NFE2L3: variants seen among roughly 807,000 people sequenced by gnomAD.
NFE2L3 encodes the protein NFE2 like bZIP transcription factor 3.
In NFE2L3, 18 loss-of-function variants were observed where a neutral mutation model predicts 23.5. That is an observed-to-expected ratio of 0.77 (90% CI 0.53 to 1.13). NFE2L3 has a LOEUF of 1.13. Ranked by LOEUF, NFE2L3 falls within the 50% of genes most tolerant of loss-of-function variation. NFE2L3 has a pLI of 0.00. For synonymous variants in NFE2L3, 424 were observed against 354.5 expected, an observed-to-expected ratio of 1.20 and a Z score of -2.20; for missense variants, 1,152 against 877.2, an observed-to-expected ratio of 1.31 and a Z score of -3.96.
At chr7:26,175,853 CTTTTTTTT>C in intron 1 of NFE2L3, among the ~76,000 whole-genome samples, 1 of 111,652 alleles carries the variant, frequency 9.0e-6, no homozygotes, top group Middle Eastern at 4.9e-3. Flanking sequence ...ATTTTCTTTT[CTTTTTTTT>C]TTTTTTTTTT....
At chr7:26,184,005 G>T (rs535209185) in intron 3 of NFE2L3, 34 of 512,670 alleles carry the variant, frequency 6.6e-5, no homozygotes, top group African/African-American at 6.3e-4. Context: ...AAACAGCGTG[G>T]AGATTTCTCA....
chr7:26,165,328 G>C (rs1459492226), intron 1 of NFE2L3, among the ~76,000 whole-genome samples: 1 of 152,122 alleles, frequency 6.6e-6, no homozygotes, highest in Non-Finnish European at 1.5e-5. Context: ...ATTTCGTTGA[G>C]CAGTGGTTTG....
intron 2 of NFE2L3, among the ~76,000 whole-genome samples, chr7:26,182,743 G>T (rs1277042462): frequency 6.6e-6 from 1 of 151,824 alleles, no homozygotes; most frequent in Non-Finnish European, 1.5e-5. Flanking sequence ...GTGAGATGAA[G>T]CATCGATAAA....
chr7:26,169,084 A>G (rs1784297207), intron 1 of NFE2L3, among the ~76,000 whole-genome samples: 1 of 152,220 alleles, frequency 6.6e-6, no homozygotes, highest in African/African-American at 2.4e-5. Context: ...CCAAAAGGCC[A>G]AGAAGCAATT....
chr7:26,155,456 TGAA>T (rs879368846), intron 1 of NFE2L3, among the ~76,000 whole-genome samples: 48 of 151,344 alleles, frequency 3.2e-4, no homozygotes, highest in Middle Eastern at 3.4e-3. Flanking sequence ...AGAAAAAAAA[TGAA>T]GAAGAAGAAG....
intron 3 of NFE2L3, chr7:26,184,266 G>T: frequency 2.4e-6 from 1 of 418,516 alleles, no homozygotes; most frequent in Non-Finnish European, 4.3e-6. Context: ...TTACAAGATT[G>T]TAACATTAGA....
Position 26,185,135 on chromosome 7 carries a change from T to G in NFE2L3, c.1437T>G (p.Asp479Glu), listed in dbSNP as rs184975849. Reference sequence around the variant, plus strand: ...AACCCAGTAAGCTTTGTCACTTGGATCAAAGTGATTCTGATTTCCATGGAG... The same window carrying G: ...AACCCAGTAAGCTTTGTCACTTGGAGCAAAGTGATTCTGATTTCCATGGAG... ...YPEPSKLCHL[D>E]QSDSDFHGDL... The change falls in exon 4 of 4, where the codon GAT (aspartate) becomes GAG (glutamate). Residue 479 changes from aspartate to glutamate, a missense_variant. Asp to Glu is a conservative substitution (Grantham distance 45). Transcript: ENST00000056233. 1 of 1,613,934 alleles carries G rather than the reference T, an allele frequency of 6.2e-7. No homozygotes were observed. The highest frequency in any genetic ancestry group is 1.3e-5 in the African/African-American group (1 of 75,038).
intron 1 of NFE2L3, 68 bp from the exon 2 acceptor site, chr7:26,177,875 C>A (rs1784442731): frequency 5.1e-6 from 7 of 1,384,940 alleles, no homozygotes; most frequent in Non-Finnish European, 7.0e-6. Context: ...TTCATGGTCC[C>A]TGAACAATAA....
chr7:26,184,300 T>C, intron 3 of NFE2L3: 1 of 493,942 alleles, frequency 2.0e-6, no homozygotes, highest in Non-Finnish European at 3.6e-6. Flanking sequence ...TCCAGTCAGC[T>C]TTTATACTAA....
intron 3 of NFE2L3, chr7:26,184,225 G>A (rs1200646203): frequency 2.8e-6 from 1 of 359,326 alleles, no homozygotes; most frequent in Admixed American, 4.5e-5. Flanking sequence ...CAACCGCTAG[G>A]ATGAGTTGCA....
rs28593398 is a variant in NFE2L3, at chr7:26,176,762, T to C, written c.571-1181T>C. Among the ~76,000 whole-genome samples, 4 of 55,588 alleles carry C rather than the reference T, an allele frequency of 7.2e-5. 1 individual carries two copies. Among genetic ancestry groups the C allele is most frequent in the Non-Finnish European group, 1.2e-4 (4 of 34,474 alleles). The allele number at this position is 55,588 out of a possible 152,430, so 36.5% of individuals were successfully genotyped here. ...GCAGCCGGGCAGAGGCGCTCCTCAC[T>C]TCCCAGACGGGGTGGCCAGGCAGAG... On this transcript the variant is annotated intron_variant, in intron 1 of 3. Transcript: ENST00000056233.
chr7:26,166,077 G>A (rs1784246969), intron 1 of NFE2L3, among the ~76,000 whole-genome samples: 1 of 150,274 alleles, frequency 6.7e-6, no homozygotes, highest in Non-Finnish European at 1.5e-5. Context: ...TATGCAGTCA[G>A]CTTCTGCCAG....
At chr7:26,171,217 T>TA (rs1784323819) in intron 1 of NFE2L3, among the ~76,000 whole-genome samples, 1 of 152,198 alleles carries the variant, frequency 6.6e-6, no homozygotes, top group South Asian at 2.1e-4. Context: ...TAATATCTGT[T>TA]ACAAGAAAAG....
Position 26,185,850 on chromosome 7 carries a change from A to G in NFE2L3, c.*67A>G. ...TTCAGAAACTGATTATTTGGATCAGAAACCATTGAAACTGCTTCAAGAATT... is the reference window on the plus strand; with the variant it reads ...TTCAGAAACTGATTATTTGGATCAGGAACCATTGAAACTGCTTCAAGAATT... On this transcript the variant is annotated 3_prime_UTR_variant, in exon 4 of 4. Coordinates refer to ENST00000056233, the MANE Select transcript of NFE2L3 (RefSeq NM_004289.7). 1 of 1,243,710 alleles carries G rather than the reference A, an allele frequency of 8.0e-7. No homozygotes were observed. Among genetic ancestry groups the G allele is most frequent in the Non-Finnish European group, 1.1e-6 (1 of 905,770 alleles). 77.0% of individuals were successfully genotyped at this position (1,243,710 alleles called of 1,614,324 possible).
chr7:26,156,551 T>C (rs1487646871), intron 1 of NFE2L3, among the ~76,000 whole-genome samples: 1 of 152,206 alleles, frequency 6.6e-6, no homozygotes, highest in Non-Finnish European at 1.5e-5. Flanking sequence ...CACGCTTCCC[T>C]TCATAACCAC....
intron 1 of NFE2L3, among the ~76,000 whole-genome samples, chr7:26,172,592 C>CCTGTTT (rs1238906810): frequency 2.0e-5 from 3 of 152,140 alleles, no homozygotes; most frequent in Non-Finnish European, 4.4e-5. Flanking sequence ...AATGTGGAAA[C>CCTGTTT]ACTCCTCTCT....
Position 26,187,105 on chromosome 7 carries a change from A to G in NFE2L3, c.*1322A>G, listed in dbSNP as rs1225145153. On this transcript the variant is annotated 3_prime_UTR_variant, in exon 4 of 4. Coordinates refer to ENST00000056233, the MANE Select transcript of NFE2L3 (RefSeq NM_004289.7). ...ATATATACCGTTGGATTTTTATAATAAAGTTTCCCAAGACCTGTTATTTTG... is the reference window on the plus strand; with the variant it reads ...ATATATACCGTTGGATTTTTATAATGAAGTTTCCCAAGACCTGTTATTTTG... 6.6e-6 allele frequency: 1 copy of G among 152,334 alleles called. No homozygotes were observed. The highest frequency in any genetic ancestry group is 1.9e-4 in the East Asian group (1 of 5,190). 9.4% of individuals were successfully genotyped at this position (152,334 alleles called of 1,614,324 possible).
intron 1 of NFE2L3, among the ~76,000 whole-genome samples, chr7:26,154,426 C>G (rs1784050988): frequency 6.6e-6 from 1 of 152,200 alleles, no homozygotes; most frequent in Non-Finnish European, 1.5e-5. Flanking sequence ...CACCCACACC[C>G]GAATGCCAAC....
Position 26,184,592 on chromosome 7 carries a change from A to G in NFE2L3, c.894A>G (p.Ser298=). ...GTATCAGTGATGGCATGAATTCTTC[A>G]GCACATTATCATGTAAACTTCAGCC... ...PGSISDGMNS[S]AHYHVNFSQA... The change falls in exon 4 of 4, where the codon TCA becomes TCG. Residue 298 remains serine, a synonymous_variant. Transcript: ENST00000056233. The G allele has an allele frequency of 6.2e-7, 1 of 1,613,884 alleles. No individual in the cohort carries two copies. The highest frequency in any genetic ancestry group is 8.5e-7 in the Non-Finnish European group (1 of 1,179,784).
Sources: allele counts gnomAD v4.1 joint callset (sites outside exome capture counted in the v4.1 genomes callset), GRCh38; gene constraint gnomAD v4.1.1; transcripts MANE v1.5; gene names NCBI Gene and HGNC (gene_info 2026-07-23, HGNC 2026-07-21).